The following NRG1 variants were observed in gnomAD, a reference collection of about 807,000 sequenced individuals.
NRG1 encodes the protein pro-neuregulin-1, membrane-bound isoform.
NRG1 carries 18 observed loss-of-function variants against 63.8 expected under a neutral mutation model. The observed-to-expected ratio is 0.28, with a 90% CI of 0.19 to 0.42. The LOEUF (loss-of-function observed/expected upper bound fraction) is 0.42. Ranked by LOEUF, NRG1 falls within the 10% of genes least tolerant of loss-of-function variation. The pLI, the probability that NRG1 is intolerant of heterozygous loss-of-function variation, is 1.00. For missense variants in NRG1, 762 were observed against 814.7 expected, an observed-to-expected ratio of 0.94 and a Z score of 0.79; for synonymous variants, 302 against 301.3, an observed-to-expected ratio of 1.00 and a Z score of -0.02.
chr8:31,654,090 T>G (rs1805178576), intron 1 of NRG1, among the ~76,000 whole-genome samples: 1 of 152,260 alleles, frequency 6.6e-6, no homozygotes, highest in Non-Finnish European at 1.5e-5. Context: ...TAATCACTTT[T>G]ATTAACTCTC....
chr8:31,639,755 T>A, intron 1 of NRG1: 7 of 1,366,448 alleles, frequency 5.1e-6, no homozygotes, highest in South Asian at 1.7e-5. Flanking sequence ...TTTGCCTTTT[T>A]TTTTTTTGCC....
At chr8:32,036,060 G>A (rs1819006330) in intron 1 of NRG1, among the ~76,000 whole-genome samples, 1 of 152,092 alleles carries the variant, frequency 6.6e-6, no homozygotes, top group African/African-American at 2.4e-5. Flanking sequence ...TTTTTATAGT[G>A]GCTGGTAACA....
chr8:32,567,069 C>T (rs908078997), intron 1 of NRG1, among the ~76,000 whole-genome samples: 6 of 152,214 alleles, frequency 3.9e-5, no homozygotes, highest in Non-Finnish European at 7.3e-5. Flanking sequence ...TCTTGAACTC[C>T]TGGCCTCAAG....
rs1436825487 is a variant in NRG1, at chr8:32,392,315, A to C, written c.38-203513A>C. Reference sequence around the variant, plus strand: ...ATTTAGTAAAGCCCTTTATTGAAACATTTACAAGCAAATGTAAACTTTTAA... The same window carrying C: ...ATTTAGTAAAGCCCTTTATTGAAACCTTTACAAGCAAATGTAAACTTTTAA... On this transcript the variant is annotated intron_variant, in intron 1 of 10. Coordinates refer to the NRG1 transcript ENST00000519301. Among the ~76,000 whole-genome samples, 4 of 152,208 alleles carry C rather than the reference A, an allele frequency of 2.6e-5. No individual in the cohort carries two copies. In the East Asian group the frequency reaches 7.7e-4, roughly 29 times the overall value.
At chr8:32,644,328 C>T (rs1853022269) in intron 5 of NRG1, among the ~76,000 whole-genome samples, 1 of 152,112 alleles carries the variant, frequency 6.6e-6, no homozygotes, top group Non-Finnish European at 1.5e-5. Context: ...ATGATATATC[C>T]TTGCAGTTTT....
intron 5 of NRG1, among the ~76,000 whole-genome samples, chr8:32,708,170 A>C (rs1223846207): frequency 6.6e-6 from 1 of 152,132 alleles, no homozygotes; most frequent in African/African-American, 2.4e-5. Context: ...TGATGTTCTC[A>C]AATGTTCTTA....
At chr8:31,709,397 C>T (rs1811511839) in intron 1 of NRG1, among the ~76,000 whole-genome samples, 1 of 152,018 alleles carries the variant, frequency 6.6e-6, no homozygotes, top group South Asian at 2.1e-4. Flanking sequence ...GATATTCATA[C>T]CTAAGATTCG....
intron 1 of NRG1, among the ~76,000 whole-genome samples, chr8:32,018,431 A>G (rs1227585775): frequency 6.6e-6 from 1 of 152,228 alleles, no homozygotes; most frequent in Non-Finnish European, 1.5e-5. Context: ...TACATCTTGA[A>G]AATGTTTTAC....
intron 1 of NRG1, among the ~76,000 whole-genome samples, chr8:32,291,294 T>G: frequency 6.6e-6 from 1 of 152,086 alleles, no homozygotes; most frequent in Non-Finnish European, 1.5e-5. Flanking sequence ...AAATGTTGGG[T>G]CTCCTCATAA....
intron 1 of NRG1, among the ~76,000 whole-genome samples, chr8:31,908,769 G>A (rs1454407854): frequency 6.6e-6 from 1 of 151,964 alleles, no homozygotes; most frequent in Non-Finnish European, 1.5e-5. Flanking sequence ...TACATAATTT[G>A]TGTATTTATT....
chr8:31,683,435 G>A (rs890592599), intron 1 of NRG1, among the ~76,000 whole-genome samples: 1 of 152,110 alleles, frequency 6.6e-6, no homozygotes, highest in Non-Finnish European at 1.5e-5. Flanking sequence ...ATCATTAAGC[G>A]AAAGAAGCCA....
chr8:32,044,234 A>G (rs1411692285), intron 1 of NRG1, among the ~76,000 whole-genome samples: 2 of 151,898 alleles, frequency 1.3e-5, no homozygotes, highest in African/African-American at 4.8e-5. Flanking sequence ...AATAAAAAGA[A>G]CAATTTACTA....
intron 1 of NRG1, among the ~76,000 whole-genome samples, chr8:32,491,644 G>C (rs1001760441): frequency 7.3e-6 from 1 of 136,720 alleles, no homozygotes; most frequent in Non-Finnish European, 1.7e-5. Flanking sequence ...CTAGCCATCT[G>C]CATAGCTGCT....
intron 1 of NRG1, among the ~76,000 whole-genome samples, chr8:32,515,805 T>G (rs551804366): frequency 6.6e-6 from 1 of 152,268 alleles, no homozygotes; most frequent in Non-Finnish European, 1.5e-5. Flanking sequence ...TATAGAATCT[T>G]GATATTAGAC....
chr8:32,312,153 G>GTTTGT (rs1856874584), intron 1 of NRG1, among the ~76,000 whole-genome samples: 4 of 98,206 alleles, frequency 4.1e-5, no homozygotes, highest in African/African-American at 1.5e-4. Context: ...ATTTGACCTT[G>GTTTGT]TTTGTTTTTT....
intron 1 of NRG1, among the ~76,000 whole-genome samples, chr8:31,677,259 C>T (rs2131034539): frequency 6.6e-6 from 1 of 152,172 alleles, no homozygotes; most frequent in African/African-American, 2.4e-5. Context: ...TGTCTTAAGA[C>T]ATGTTTAAAA....
At chr8:32,068,732 C>G (rs1352884774) in intron 1 of NRG1, among the ~76,000 whole-genome samples, 1 of 152,160 alleles carries the variant, frequency 6.6e-6, no homozygotes, top group East Asian at 1.9e-4. Flanking sequence ...GGTTTCATGC[C>G]CTACTGATAG....
chr8:32,454,500 T>C (rs1233569260), intron 1 of NRG1, among the ~76,000 whole-genome samples: 3 of 151,610 alleles, frequency 2.0e-5, no homozygotes, highest in Non-Finnish European at 4.4e-5. Context: ...TTGTCAAATG[T>C]CTCAATTTTA....
intron 1 of NRG1, among the ~76,000 whole-genome samples, chr8:32,436,319 C>T (rs138867143): frequency 5.6e-4 from 85 of 152,316 alleles, no homozygotes; most frequent in African/African-American, 1.9e-3. Flanking sequence ...TCCTACAACA[C>T]ATGGGAATTA....
Sources: gnomAD v4.1 joint callset for allele counts (sites outside exome capture counted in the v4.1 genomes callset) on GRCh38, gnomAD v4.1.1 for gene constraint, MANE v1.5 for transcripts, NCBI Gene and HGNC (gene_info 2026-07-23, HGNC 2026-07-21) for gene names.